LARS1: variants seen among roughly 807,000 people sequenced by gnomAD.
The protein encoded by LARS1 is leucyl-tRNA synthetase 1, also known as leucine--tRNA ligase, cytoplasmic.
In LARS1, 100 loss-of-function variants were observed where a neutral mutation model predicts 162.8. The observed-to-expected ratio is 0.61, with a 90% CI of 0.52 to 0.73. The LOEUF is 0.73. Among genes scored for constraint, LARS1 ranks in the 30% least tolerant of loss-of-function variants. The probability of loss-of-function intolerance (pLI) is 0.00; values close to 1 mark genes in which losing one functional copy is unlikely to be tolerated. For missense variants in LARS1, 1,258 were observed against 1,408.9 expected, an observed-to-expected ratio of 0.89 and a Z score of 1.71; for synonymous variants, 457 against 462.8, an observed-to-expected ratio of 0.99 and a Z score of 0.16.
At chr5:146,151,672 A>G (rs1339486573) in intron 14 of LARS1, among the ~76,000 whole-genome samples, 190 bp downstream of exon 14, 1 of 152,246 alleles carries the variant, frequency 6.6e-6, no homozygotes, top group African/African-American at 2.4e-5. Flanking sequence ...ACAATTTCTG[A>G]AAATGCTTTT....
intron 25 of LARS1, among the ~76,000 whole-genome samples, chr5:146,129,816 T>C (rs1287221710): frequency 6.6e-6 from 1 of 152,224 alleles, no homozygotes; most frequent in African/African-American, 2.4e-5. Context: ...TGCACTGTTG[T>C]GTATATAAAT....
Position 146,157,434 on chromosome 5 carries a change from A to AC in LARS1, c.1033dup (p.Val345GlyfsTer6). 3 of 1,614,182 alleles carry AC rather than the reference A, an allele frequency of 1.9e-6. No homozygotes were observed. Among genetic ancestry groups the AC allele is most frequent in the Non-Finnish European group, 2.5e-6 (3 of 1,180,036 alleles). ...CATTAATTCCTTAACAACAGGCACC[A>AC]CGCCATTGTCTTTGGTAAAGCCCTG... is the stretch of plus-strand genomic sequence containing the variant. On this transcript the variant is annotated frameshift_variant, in exon 10 of 32. Transcript: ENST00000394434. LOFTEE classifies it high-confidence loss of function.
intron 15 of LARS1, among the ~76,000 whole-genome samples, chr5:146,148,441 G>GT (rs1254793761): frequency 1.3e-5 from 2 of 152,196 alleles, no homozygotes; most frequent in African/African-American, 4.8e-5. Context: ...ACTGACGAGT[G>GT]TATTTTAATT....
intron 5 of LARS1, among the ~76,000 whole-genome samples, chr5:146,167,472 G>A (rs1165184071): frequency 2.6e-5 from 4 of 151,166 alleles, no homozygotes; most frequent in African/African-American, 7.3e-5. Flanking sequence ...GGCGTGATCT[G>A]GGCTCACTGC....
At chr5:146,123,459 T>C (rs1341615055) in intron 29 of LARS1, among the ~76,000 whole-genome samples, 1 of 151,952 alleles carries the variant, frequency 6.6e-6, no homozygotes, top group East Asian at 1.9e-4. Context: ...TTCATTTTAT[T>C]ATAAATTGGG....
At chr5:146,142,054 G>A (rs910352523) in intron 20 of LARS1, among the ~76,000 whole-genome samples, 1 of 152,086 alleles carries the variant, frequency 6.6e-6, no homozygotes, top group Admixed American at 6.5e-5. Context: ...CAGCTACTCG[G>A]GAGGCTGAGG....
At chr5:146,162,064 G>A (rs541260864) in intron 6 of LARS1, among the ~76,000 whole-genome samples, 7 of 152,232 alleles carry the variant, frequency 4.6e-5, no homozygotes, top group South Asian at 2.1e-4. Context: ...ACCTTTCAAC[G>A]TCATCCATAA....
intron 31 of LARS1, among the ~76,000 whole-genome samples, chr5:146,115,833 G>T (rs888125543): frequency 2.0e-5 from 3 of 152,112 alleles, no homozygotes; most frequent in Admixed American, 6.5e-5. Context: ...AGAAATAGAA[G>T]ATATTTTCTG....
At chr5:146,162,547 C>T (rs1057403522) in intron 6 of LARS1, among the ~76,000 whole-genome samples, 35 of 152,132 alleles carry the variant, frequency 2.3e-4, no homozygotes, top group Non-Finnish European at 1.0e-4. Flanking sequence ...GTAGATTTGG[C>T]ACCATTCTTA....
At chr5:146,137,214 A>G (rs1752552573) in intron 21 of LARS1, among the ~76,000 whole-genome samples, 1 of 152,204 alleles carries the variant, frequency 6.6e-6, no homozygotes, top group Admixed American at 6.5e-5. Flanking sequence ...AACTATTTTC[A>G]TTATGACATA....
At chr5:146,174,520 CCAT>C (rs1754443133) in intron 2 of LARS1, among the ~76,000 whole-genome samples, 5 of 31,018 alleles carry the variant, frequency 1.6e-4, no homozygotes, top group Admixed American at 5.7e-4. Flanking sequence ...ATATATATAT[CCAT>C]ATATATATAT....
At position 146,133,077 on chromosome 5, in the gene LARS1, C is replaced by T. The variant is rs759340335; in HGVS notation, c.2217G>A (p.Met739Ile). 5.0e-6 allele frequency: 8 copies of T among 1,610,710 alleles called. No homozygotes were observed. The highest frequency in any genetic ancestry group is 3.3e-5 in the South Asian group (3 of 90,256). ...CACCAGCATCAGCCAGAGCCAAACG[C>T]ATTCCTGGAAGAAGAAAAAAAAATT... ...QAIDKFSADGMRLALADAGDT... is the reference protein window; with the variant it reads ...QAIDKFSADGIRLALADAGDT... Residue 739 changes from methionine to isoleucine, a missense_variant, in exon 23 of 32, where the codon ATG becomes ATA. Coordinates refer to ENST00000394434, the MANE Select transcript of LARS1 (RefSeq NM_020117.11).
chr5:146,149,263 A>G (rs1176032060), intron 15 of LARS1, among the ~76,000 whole-genome samples: 4 of 152,194 alleles, frequency 2.6e-5, no homozygotes, highest in Non-Finnish European at 4.4e-5. Flanking sequence ...GTAAAGGGTT[A>G]ACTCAGCTAA....
intron 1 of LARS1, 58 bp downstream of exon 1, chr5:146,182,430 C>T (rs1209812204): frequency 6.2e-7 from 1 of 1,611,216 alleles, no homozygotes; most frequent in Non-Finnish European, 8.5e-7. Context: ...TGGAGAGCCC[C>T]TAGAGACTGG....
In LARS1 at chr5:146,113,934, G is replaced by A; in HGVS notation, c.*172C>T. The A allele has an allele frequency of 1.7e-6, 1 of 593,716 alleles. No individual in the cohort carries two copies. 36.8% of individuals were successfully genotyped at this position (593,716 alleles called of 1,614,324 possible). On this transcript the variant is annotated 3_prime_UTR_variant, in exon 32 of 32. Transcript: ENST00000394434. ...AAGAAAGGGAAAAAAAATTTATTAG[G>A]TCCAGGAATCAAAGATGACTTGATA... is the stretch of plus-strand genomic sequence containing the variant.
Position 146,143,552 on chromosome 5 carries a change from T to G in LARS1, c.1739-2A>C. ...GCTCATCCCAAGGCAGGTGAGTGCC[T>G]GAAAAATAAAAAGTAACGCATGAGG... On this transcript the variant is annotated splice_acceptor_variant, in intron 18 of 31. Transcript: ENST00000394434. LOFTEE classifies it high-confidence loss of function. The G allele has an allele frequency of 5.6e-6, 9 of 1,611,772 alleles. No individual in the cohort carries two copies. The highest frequency in any genetic ancestry group is 3.4e-6 in the Non-Finnish European group (4 of 1,178,724).
intron 31 of LARS1, among the ~76,000 whole-genome samples, chr5:146,114,981 T>C (rs534433660): frequency 6.8e-6 from 1 of 147,246 alleles, no homozygotes; most frequent in African/African-American, 2.5e-5. Context: ...GAGACAGAGG[T>C]TGCGGTGAGC....
intron 31 of LARS1, among the ~76,000 whole-genome samples, chr5:146,114,999 G>A (rs1380036694): frequency 2.0e-5 from 3 of 147,916 alleles, no homozygotes; most frequent in African/African-American, 7.5e-5. Context: ...AGCCAAGATC[G>A]CGCCACTGCA....
chr5:146,171,399 A>C (rs1396387028), intron 4 of LARS1, among the ~76,000 whole-genome samples: 1 of 152,096 alleles, frequency 6.6e-6, no homozygotes, highest in Non-Finnish European at 1.5e-5. Flanking sequence ...AAAATGTTGG[A>C]GAATAAAAAG....
Sources: allele counts gnomAD v4.1 joint callset (sites outside exome capture counted in the v4.1 genomes callset), GRCh38; gene constraint gnomAD v4.1.1; transcripts MANE v1.5; gene names NCBI Gene and HGNC (gene_info 2026-07-23, HGNC 2026-07-21).